C12orf50: variants seen among roughly 807,000 people sequenced by gnomAD.
The protein encoded by C12orf50 is zinc finger CCCH-type containing 11D.
A neutral mutation model predicts 61.6 loss-of-function variants in C12orf50; 35 were observed. That is an observed-to-expected ratio of 0.57 (90% CI 0.43 to 0.75). The LOEUF is 0.75. Ranked by LOEUF, C12orf50 falls within the 30% of genes least tolerant of loss-of-function variation. The pLI is 0.00. For synonymous variants in C12orf50, 178 were observed against 161.5 expected (o/e 1.10, Z -0.77); for missense variants, 475 against 488.5 (o/e 0.97, Z 0.26).
intron 8 of C12orf50, 23 bp downstream of exon 8, chr12:87,989,241 C>A (rs1417812422): frequency 6.6e-7 from 1 of 1,514,978 alleles, no homozygotes; most frequent in Non-Finnish European, 9.0e-7. Flanking sequence ...ACAAATGAAT[C>A]AAAATTATAT....
intron 1 of C12orf50, 32 bp from the exon 2 acceptor site, chr12:88,027,102 C>A: frequency 6.4e-7 from 1 of 1,562,492 alleles, no homozygotes; most frequent in South Asian, 1.2e-5. Context: ...GTAGAAAGCT[C>A]AATATGTTGA....
intron 3 of C12orf50, among the ~76,000 whole-genome samples, chr12:88,005,488 C>G (rs1470518858): frequency 6.6e-6 from 1 of 152,094 alleles, no homozygotes; most frequent in African/African-American, 2.4e-5. Context: ...GGTGTAATGC[C>G]CCATTGTTTT....
At chr12:88,027,833 CAT>C (rs1246752523) in intron 1 of C12orf50, 2 of 152,152 alleles carry the variant, frequency 1.3e-5, no homozygotes, top group African/African-American at 2.4e-5. Context: ...TCTTTTGACA[CAT>C]GTTCCATGGT....
chr12:88,010,396 A>C (rs1157595683), intron 3 of C12orf50, among the ~76,000 whole-genome samples: 6 of 117,252 alleles, frequency 5.1e-5, no homozygotes, highest in Non-Finnish European at 9.4e-5. Flanking sequence ...AATTATTATA[A>C]TCTTATAATA....
chr12:88,012,948 C>T (rs1012893499), intron 3 of C12orf50, among the ~76,000 whole-genome samples: 2 of 152,024 alleles, frequency 1.3e-5, no homozygotes, highest in Admixed American at 6.6e-5. Context: ...CCTGTGGTCC[C>T]AGCTACTCAG....
intron 3 of C12orf50, among the ~76,000 whole-genome samples, chr12:88,003,110 T>C (rs944453798): frequency 6.6e-6 from 1 of 151,442 alleles, no homozygotes; most frequent in Non-Finnish European, 1.5e-5. Flanking sequence ...TAGGTATTTA[T>C]AGTTTGTTCT....
chr12:88,001,743 G>C (rs961379015), intron 3 of C12orf50, among the ~76,000 whole-genome samples: 1 of 150,932 alleles, frequency 6.6e-6, no homozygotes, highest in Non-Finnish European at 1.5e-5. Context: ...CTAGAAATTT[G>C]TCTATTTTAT....
At chr12:87,984,396 A>C (rs1304471577) in intron 11 of C12orf50, 1 of 152,126 alleles carries the variant, frequency 6.6e-6, no homozygotes, top group African/African-American at 2.4e-5. Context: ...AATGTAATAA[A>C]AATTTTGACT....
chr12:87,986,404 T>A lies in C12orf50; in HGVS notation c.830A>T (p.Gln277Leu). The A allele has an allele frequency of 6.2e-7, 1 of 1,601,068 alleles. No homozygotes were observed. The highest frequency in any genetic ancestry group is 8.5e-7 in the Non-Finnish European group (1 of 1,176,096). ...TTTAAAATGAGGCTTCTTCACTGGC[T>A]GGACATCATTCACTTAGAAAAGATA... ...REDPSSMNDV[Q>L]PVKKPHFKGV... Residue 277 changes from glutamine to leucine, a missense_variant, in exon 10 of 13, where the codon CAG becomes CTG. Coordinates refer to ENST00000298699, the MANE Select transcript of C12orf50 (RefSeq NM_152589.3).
intron 11 of C12orf50, chr12:87,983,952 G>A (rs1362695906): frequency 8.2e-6 from 1 of 121,840 alleles, no homozygotes; most frequent in Non-Finnish European, 1.9e-5. Flanking sequence ...CTAGATCCCT[G>A]AGGAATCGCC....
upstream of C12orf50, chr12:88,029,488 A>AACTACAGTTTGTTTCTACAGTTTGTTC (rs2136515207): frequency 1.3e-5 from 2 of 154,006 alleles, no homozygotes; most frequent in East Asian, 3.8e-4. Flanking sequence ...CACTCAGGTA[A>AACTACAGTTTGTTTCTACAGTTTGTTC]ACTACAGTTT....
intron 3 of C12orf50, among the ~76,000 whole-genome samples, chr12:88,019,504 A>G (rs2032435337): frequency 6.6e-6 from 1 of 152,208 alleles, no homozygotes; most frequent in Non-Finnish European, 1.5e-5. Flanking sequence ...ATAGTGTGGT[A>G]GAAAACTTCA....
intron 3 of C12orf50, among the ~76,000 whole-genome samples, chr12:88,013,326 C>G (rs1025268703): frequency 2.0e-5 from 3 of 152,136 alleles, no homozygotes; most frequent in East Asian, 3.9e-4. Context: ...CTGAATCAGA[C>G]AGCAGTTTAA....
intron 3 of C12orf50, among the ~76,000 whole-genome samples, chr12:88,017,954 A>T (rs2032372377): frequency 6.6e-6 from 1 of 152,256 alleles, no homozygotes; most frequent in Non-Finnish European, 1.5e-5. Flanking sequence ...AGAAAACAGC[A>T]TAAAAGTTTG....
intron 7 of C12orf50, among the ~76,000 whole-genome samples, chr12:87,991,333 G>A (rs1233113980): frequency 6.6e-6 from 1 of 151,906 alleles, no homozygotes; most frequent in Non-Finnish European, 1.5e-5. Context: ...AAAACCTGAG[G>A]AAAATGAAAG....
chr12:87,984,428 G>A (rs2030694634), intron 11 of C12orf50: 1 of 152,048 alleles, frequency 6.6e-6, no homozygotes, highest in Non-Finnish European at 1.5e-5. Flanking sequence ...TCATAGTTTT[G>A]CATAAATTCT....
At chr12:87,987,048 A>T (rs1018812640) in intron 9 of C12orf50, among the ~76,000 whole-genome samples, 1 of 152,108 alleles carries the variant, frequency 6.6e-6, no homozygotes, top group Admixed American at 6.6e-5. Context: ...AATTTTGTAG[A>T]GGGGGCATTC....
chr12:88,024,471 CT>C (rs1393854939), intron 3 of C12orf50, among the ~76,000 whole-genome samples: 15 of 152,268 alleles, frequency 9.9e-5, no homozygotes, highest in African/African-American at 3.6e-4. Context: ...ACATCATGTC[CT>C]TTGCAAGAAC....
chr12:88,021,872 C>T (rs2032529407), intron 3 of C12orf50, among the ~76,000 whole-genome samples: 1 of 151,752 alleles, frequency 6.6e-6, no homozygotes, highest in Non-Finnish European at 1.5e-5. Flanking sequence ...CCAAAAAAAA[C>T]CCAGGGCCAG....
Sources: gnomAD v4.1 joint callset for allele counts (sites outside exome capture counted in the v4.1 genomes callset) on GRCh38, gnomAD v4.1.1 for gene constraint, MANE v1.5 for transcripts, NCBI Gene and HGNC (gene_info 2026-07-23, HGNC 2026-07-21) for gene names.